The following CAMSAP2 variants were observed in gnomAD, a reference collection of about 807,000 sequenced individuals.
The protein encoded by CAMSAP2 is calmodulin-regulated spectrin-associated protein 2.
In CAMSAP2, 26 loss-of-function variants were observed where a neutral mutation model predicts 146.1. The ratio of observed to expected loss-of-function variants is 0.18; its 90% CI spans 0.13 to 0.25. The LOEUF (loss-of-function observed/expected upper bound fraction) is 0.25, where lower values mean the gene tolerates loss of function less well. Ranked by LOEUF, CAMSAP2 falls within the 10% of genes least tolerant of loss-of-function variation. CAMSAP2 has a pLI of 1.00. For missense variants in CAMSAP2, 1,381 were observed against 1,759.3 expected, an observed-to-expected ratio of 0.78 and a Z score of 3.85; for synonymous variants, 499 against 596.6, an observed-to-expected ratio of 0.84 and a Z score of 2.38.
At position 200,848,158 on chromosome 1, in the gene CAMSAP2, T is replaced by G; in HGVS notation, c.1389T>G (p.His463Gln). 1 of 1,613,838 alleles carries G rather than the reference T, an allele frequency of 6.2e-7. No homozygotes were observed. The highest frequency in any genetic ancestry group is 8.5e-7 in the Non-Finnish European group (1 of 1,179,836). The stretch of plus-strand genomic sequence containing the variant: ...AAGGACTTACTCTGAACAACAGTCA[T>G]GTATCTAAACACATTAGGAAAAATT... ...SNEGLTLNNS[H>Q]VSKHIRKNLS... Residue 463 changes from histidine (H) to glutamine (Q), a missense_variant, in exon 11 of 17, where the codon CAT becomes CAG. By Grantham distance (24) the His-to-Gln change is conservative. Around this residue, in one of 4 missense-constraint regions of CAMSAP2, gnomAD observed 447 missense variants for 462.2 expected, o/e 0.97. Coordinates refer to ENST00000358823, the MANE Select transcript of CAMSAP2 (RefSeq NM_203459.4).
chr1:200,765,867 G>A (rs1664935459), intron 2 of CAMSAP2, among the ~76,000 whole-genome samples: 1 of 152,146 alleles, frequency 6.6e-6, no homozygotes, highest in African/African-American at 2.4e-5. Flanking sequence ...TTGACTGCAT[G>A]GAGGGATAAA....
chr1:200,813,352 TG>T (rs1366146787), intron 3 of CAMSAP2, among the ~76,000 whole-genome samples: 3 of 152,234 alleles, frequency 2.0e-5, no homozygotes, highest in African/African-American at 7.2e-5. Flanking sequence ...ATATGAACTC[TG>T]GGGGGCAAAC....
chr1:200,821,349 A>AT (rs1487482841), intron 4 of CAMSAP2, among the ~76,000 whole-genome samples: 1 of 151,248 alleles, frequency 6.6e-6, no homozygotes, highest in Non-Finnish European at 1.5e-5. Flanking sequence ...TGCCTATCTA[A>AT]TTTTTTTACT....
chr1:200,830,652 C>T (rs7547000), intron 4 of CAMSAP2, among the ~76,000 whole-genome samples: 45,909 of 152,068 alleles, frequency 0.3, 7,610 homozygotes, highest in Middle Eastern at 0.41. Context: ...TCTTCCCTCC[C>T]CATGGTTGAT....
At chr1:200,803,296 T>TTAC (rs1666082760) in intron 2 of CAMSAP2, among the ~76,000 whole-genome samples, 1 of 152,198 alleles carries the variant, frequency 6.6e-6, no homozygotes, top group Non-Finnish European at 1.5e-5. Context: ...GTAATAGTGC[T>TTAC]TACCCTCACA....
intron 2 of CAMSAP2, among the ~76,000 whole-genome samples, chr1:200,775,456 C>T (rs1483778361): frequency 6.6e-6 from 1 of 151,712 alleles, no homozygotes; most frequent in Non-Finnish European, 1.5e-5. Flanking sequence ...ATTTTTTTTT[C>T]AGAATCATTA....
At chr1:200,797,069 A>G (rs936322390) in intron 2 of CAMSAP2, among the ~76,000 whole-genome samples, 1 of 152,068 alleles carries the variant, frequency 6.6e-6, no homozygotes, top group Non-Finnish European at 1.5e-5. Flanking sequence ...CCAGTCTATC[A>G]TTGTTGGACA....
At chr1:200,789,513 C>A (rs540603681) in intron 2 of CAMSAP2, among the ~76,000 whole-genome samples, 2 of 151,992 alleles carry the variant, frequency 1.3e-5, no homozygotes, top group African/African-American at 4.8e-5. Flanking sequence ...TATTCTGTTC[C>A]GGTGATCTAT....
In CAMSAP2 at chr1:200,832,592, T is replaced by C. The variant is rs2044527112; in HGVS notation, c.788-114T>C. On this transcript the variant is annotated intron_variant, in intron 5 of 16. Transcript: ENST00000358823. The surrounding 1 kb of genome is among the most constrained non-coding windows in gnomAD (Gnocchi z 4.2). ...TAATGTATAATGACTACTATATTTA[T>C]AAATGTATGTTTGTTAACCAGAATT... The C allele has an allele frequency of 4.2e-6, 4 of 959,300 alleles. No homozygotes were observed. Among genetic ancestry groups the C allele is most frequent in the African/African-American group, 3.4e-5 (2 of 59,110 alleles). The allele number at this position is 959,300 out of a possible 1,614,324, so 59.4% of individuals were successfully genotyped here.
chr1:200,809,082 C>G (rs772737591), intron 3 of CAMSAP2, among the ~76,000 whole-genome samples: 1 of 152,242 alleles, frequency 6.6e-6, no homozygotes, highest in African/African-American at 2.4e-5. Context: ...TGCTTTCCCA[C>G]GCTTCATGAC....
At chr1:200,837,266 A>T (rs1008582642) in intron 6 of CAMSAP2, among the ~76,000 whole-genome samples, 1 of 152,048 alleles carries the variant, frequency 6.6e-6, no homozygotes, top group African/African-American at 2.4e-5. Flanking sequence ...TAATTTTTTT[A>T]TATAGTGTAA....
At position 200,854,986 on chromosome 1, in the gene CAMSAP2, A is replaced by G. The variant is rs548053476; in HGVS notation, c.3896+97A>G. On this transcript the variant is annotated intron_variant, in intron 14 of 16. Coordinates refer to ENST00000358823, the MANE Select transcript of CAMSAP2 (RefSeq NM_203459.4). ...AAATTCTTCAGTGTTTTTACATTTT[A>G]TAATGACCAAATCATAATCACAAAT... The G allele has an allele frequency of 3.0e-5, 25 of 836,132 alleles. No individual in the cohort carries two copies. In the South Asian group the frequency reaches 4.2e-4, roughly 14 times the overall value. 51.8% of individuals were successfully genotyped at this position (836,132 alleles called of 1,614,324 possible). A position where few individuals can be genotyped will look rare whatever the true frequency, so the allele number is the denominator to read the frequency against.
chr1:200,849,629 C>T lies in CAMSAP2; in HGVS notation c.2860C>T (p.Arg954Cys), dbSNP rs1348888391. 6.2e-7 allele frequency: 1 copy of T among 1,614,166 alleles called. No individual in the cohort carries two copies. Among genetic ancestry groups the T allele is most frequent in the Non-Finnish European group, 8.5e-7 (1 of 1,180,016 alleles). ...AIAPFSSDSP[R>C]PTHPSPQSSN... ...TGCACCATTCTCCTCAGACTCCCCT[C>T]GTCCTACTCACCCATCTCCACAGTC... The change falls in exon 11 of 17, where the codon CGT becomes TGT. Residue 954 changes from arginine to cysteine, a missense_variant. Arg to Cys is a radical substitution (Grantham distance 180). Coordinates refer to ENST00000358823, the MANE Select transcript of CAMSAP2 (RefSeq NM_203459.4). This position sits in a 1 kb window ranked among gnomAD's most constrained non-coding sequence, Gnocchi z 6.3.
intron 4 of CAMSAP2, among the ~76,000 whole-genome samples, chr1:200,827,187 A>G (rs1468264607): frequency 6.6e-6 from 1 of 152,170 alleles, no homozygotes; most frequent in Non-Finnish European, 1.5e-5. Context: ...AGTTTAGATC[A>G]ATGGAGGGCC....
chr1:200,744,124 G>C (rs1014028807), intron 1 of CAMSAP2, among the ~76,000 whole-genome samples: 3 of 152,140 alleles, frequency 2.0e-5, no homozygotes, highest in Non-Finnish European at 4.4e-5. Flanking sequence ...CGGGGACTTA[G>C]GAACTCTTCC....
At chr1:200,756,778 C>T (rs764383655) in intron 1 of CAMSAP2, among the ~76,000 whole-genome samples, 2 of 152,070 alleles carry the variant, frequency 1.3e-5, no homozygotes, top group African/African-American at 2.4e-5. Flanking sequence ...AGGCTAGTGA[C>T]TAGAATTTTT....
rs1460540960 is a variant in CAMSAP2 at position 200,832,210 on chromosome 1, G to A, written c.656G>A (p.Arg219Gln). ...EAPGGQKARY[R>Q]KEQTLLKQLP... is the part of the protein sequence containing the mutation. ...TTTTTTATATCGTAGGCTCGTTATC[G>A]GAAAGAGCAAACATTGCTTAAGCAA... is the stretch of plus-strand genomic sequence containing the variant. The change falls in exon 5 of 17, where the codon CGG becomes CAG. Residue 219 changes from arginine (R) to glutamine (Q), a missense_variant. Around this residue, in one of 4 missense-constraint regions of CAMSAP2, gnomAD observed 284 missense variants for 406.9 expected, o/e 0.70. Coordinates refer to ENST00000358823, the MANE Select transcript of CAMSAP2 (RefSeq NM_203459.4). This position sits in a 1 kb window ranked among gnomAD's most constrained non-coding sequence, Gnocchi z 4.2. 1.2e-6 allele frequency: 2 copies of A among 1,603,682 alleles called. No homozygotes were observed. Among genetic ancestry groups the A allele is most frequent in the Non-Finnish European group, 1.7e-6 (2 of 1,175,924 alleles).
intron 4 of CAMSAP2, among the ~76,000 whole-genome samples, chr1:200,816,034 G>T (rs1207865285): frequency 1.1e-4 from 17 of 152,122 alleles, no homozygotes; most frequent in Admixed American, 1.0e-3. Context: ...GATGGCTCAC[G>T]CCTGTAATAC....
intron 1 of CAMSAP2, among the ~76,000 whole-genome samples, chr1:200,759,226 G>T (rs563366230): frequency 1.4e-5 from 2 of 147,750 alleles, no homozygotes; most frequent in South Asian, 4.3e-4. Flanking sequence ...CTCTCCTTAC[G>T]TTTAGAAAGG....
Sources: gnomAD v4.1 joint callset for allele counts (sites outside exome capture counted in the v4.1 genomes callset) on GRCh38, gnomAD v4.1.1 for gene constraint, gnomAD v4.1.1 regional missense constraint, Gnocchi (gnomAD v3.1) non-coding constraint, MANE v1.5 for transcripts, NCBI Gene and HGNC (gene_info 2026-07-23, HGNC 2026-07-21) for gene names.